The following RAE1 variants were observed in gnomAD, a reference collection of about 807,000 sequenced individuals.
RAE1 encodes ribonucleic acid export 1.
Under a neutral mutation model 52.7 loss-of-function variants are expected in RAE1, and 13 were observed. That is an observed-to-expected ratio of 0.25 (90% CI 0.16 to 0.39). The LOEUF (loss-of-function observed/expected upper bound fraction) is 0.39. Ranked by LOEUF, RAE1 falls within the 10% of genes least tolerant of loss-of-function variation. The pLI, the probability that RAE1 is intolerant of heterozygous loss-of-function variation, is 1.00. For synonymous variants in RAE1, 164 were observed against 153.1 expected (o/e 1.07, Z -0.52); for missense variants, 262 against 459.8 (o/e 0.57, Z 3.93).
Position 57,374,512 on chromosome 20 carries a change from G to A in RAE1, c.826-95G>A, listed in dbSNP as rs77937325. 5.7e-3 allele frequency: 6,537 copies of A among 1,140,736 alleles called. 267 individuals are homozygous for A. In the African/African-American group the frequency reaches 0.086, roughly 15 times the overall value. 70.7% of individuals were successfully genotyped at this position (1,140,736 alleles called of 1,614,324 possible). ...CAGCTGGAAGGAAATGTACCTGTGC[G>A]CTTTGTTTCCTAACTCAAGCAGGAA... is the stretch of plus-strand genomic sequence containing the variant. On this transcript the variant is annotated intron_variant, in intron 10 of 11. Coordinates refer to ENST00000395841, the MANE Select transcript of RAE1 (RefSeq NM_003610.4).
chr20:57,356,080 C>CT (rs1424695528), intron 3 of RAE1, among the ~76,000 whole-genome samples: 1 of 152,032 alleles, frequency 6.6e-6, no homozygotes, highest in East Asian at 1.9e-4. Flanking sequence ...AAATGTATTA[C>CT]TTTTTTAACG....
chr20:57,354,866 C>A, intron 3 of RAE1, 50 bp downstream of exon 3: 1 of 1,379,286 alleles, frequency 7.3e-7, no homozygotes, highest in Non-Finnish European at 9.9e-7. Context: ...CTTTGTATGG[C>A]CAAGGTTAGC....
In RAE1 at chr20:57,373,457, T is replaced by C. The variant is rs112978689; in HGVS notation, c.643-18T>C. The C allele has an allele frequency of 2.5e-5, 40 of 1,601,510 alleles. 1 individual carries two copies. In the African/African-American group the frequency reaches 2.8e-4, roughly 11 times the overall value. ...TATATTATGCTGTGATTATGTCTCT[T>C]TTTTATTTTAACTGTAGCATCGGTG... On this transcript the variant is annotated intron_variant, in intron 8 of 11. Coordinates refer to ENST00000395841, the MANE Select transcript of RAE1 (RefSeq NM_003610.4).
intron 11 of RAE1, among the ~76,000 whole-genome samples, chr20:57,375,344 T>C (rs1185832664): frequency 2.0e-5 from 3 of 152,080 alleles, no homozygotes; most frequent in Non-Finnish European, 4.4e-5. Context: ...ATCATTGTAT[T>C]TGTGGTTTTC....
intron 1 of RAE1, among the ~76,000 whole-genome samples, chr20:57,352,558 C>G (rs1346418221): frequency 6.6e-6 from 1 of 152,232 alleles, no homozygotes; most frequent in African/African-American, 2.4e-5. Flanking sequence ...GTGTGGTCCA[C>G]ACTGACTAAC....
chr20:57,372,461 A>G (rs900039472), intron 8 of RAE1: 2 of 152,276 alleles, frequency 1.3e-5, no homozygotes, highest in African/African-American at 4.8e-5. Flanking sequence ...CACCCCTGGC[A>G]TTGTGCAGTT....
At chr20:57,355,381 C>CT (rs547720946) in intron 3 of RAE1, among the ~76,000 whole-genome samples, 2,627 of 152,104 alleles carry the variant, frequency 0.017, 43 homozygotes, top group Non-Finnish European at 0.026. Context: ...AAATTTAAGA[C>CT]TTTTTTTTAT....
Position 57,351,340 on chromosome 20 carries a change from G to C in RAE1, c.-90G>C, listed in dbSNP as rs2066705632. 1 of 985,306 alleles carries C rather than the reference G, an allele frequency of 1.0e-6. No individual in the cohort carries two copies. 61.0% of individuals were successfully genotyped at this position (985,306 alleles called of 1,614,324 possible). A position where few individuals can be genotyped will look rare whatever the true frequency, so the allele number is the denominator to read the frequency against. On this transcript the variant is annotated 5_prime_UTR_variant, in exon 1 of 12. Coordinates refer to ENST00000395841, the MANE Select transcript of RAE1 (RefSeq NM_003610.4). ...ATTTCTGTCCGCGCTCCTGGCCCTC[G>C]TCCTTCGCGCCAGAGCAGGTTCGCA...
rs1007552200 is a variant in RAE1 at position 57,351,328 on chromosome 20, C to T, written c.-102C>T. 1.0e-6 allele frequency: 1 copy of T among 985,372 alleles called. No individual in the cohort carries two copies. The highest frequency in any genetic ancestry group is 1.7e-5 in the African/African-American group (1 of 57,248). The allele number at this position is 985,372 out of a possible 1,614,324, so 61.0% of individuals were successfully genotyped here. On this transcript the variant is annotated 5_prime_UTR_variant, in exon 1 of 12. Transcript: ENST00000395841. Reference sequence around the variant, plus strand: ...CGGGCTCCTGGGATTTCTGTCCGCGCTCCTGGCCCTCGTCCTTCGCGCCAG... The same window carrying T: ...CGGGCTCCTGGGATTTCTGTCCGCGTTCCTGGCCCTCGTCCTTCGCGCCAG...
At chr20:57,354,546 C>T (rs981869582) in intron 2 of RAE1, among the ~76,000 whole-genome samples, 166 bp from the exon 3 acceptor site, 1 of 152,190 alleles carries the variant, frequency 6.6e-6, no homozygotes, top group Non-Finnish European at 1.5e-5. Context: ...GGTACTTTCT[C>T]TAGCTTATTT....
intron 2 of RAE1, 43 bp downstream of exon 2, chr20:57,354,171 C>A: frequency 1.3e-6 from 2 of 1,547,832 alleles, no homozygotes; most frequent in Non-Finnish European, 1.8e-6. Context: ...AGAGTTTGGG[C>A]AGAGTTTCTC....
chr20:57,370,453 GCCT>G (rs1159142223), intron 8 of RAE1, among the ~76,000 whole-genome samples: 10 of 152,134 alleles, frequency 6.6e-5, no homozygotes, highest in Non-Finnish European at 1.5e-5. Context: ...CTAAGCCGCT[GCCT>G]CCTCCACCCA....
chr20:57,369,425 C>T (rs1600723052), intron 8 of RAE1, among the ~76,000 whole-genome samples: 1 of 152,276 alleles, frequency 6.6e-6, no homozygotes, highest in East Asian at 1.9e-4. Context: ...GTTAATCTTC[C>T]CTAATCAGGA....
Position 57,367,068 on chromosome 20 carries a change from T to A in RAE1, c.523T>A (p.Cys175Ser). 6.3e-7 allele frequency: 1 copy of A among 1,590,890 alleles called. No homozygotes were observed. Among genetic ancestry groups the A allele is most frequent in the Non-Finnish European group, 8.6e-7 (1 of 1,160,704 alleles). ...MVLQLPERCY[C>S]ADVIYPMAVV... The stretch of plus-strand genomic sequence containing the variant: ...TTTGCAACTCCCTGAAAGGTGTTAC[T>A]GTGCTGACGTGGTAAGGGATTTCAA... Residue 175 changes from cysteine to serine, a missense_variant, in exon 7 of 12, where the codon TGT (cysteine) becomes AGT (serine). By Grantham distance (112) the Cys-to-Ser change is moderately radical (BLOSUM62 -1). Transcript: ENST00000395841.
chr20:57,359,053 T>TGC, intron 4 of RAE1: 1 of 1,496,038 alleles, frequency 6.7e-7, no homozygotes, highest in South Asian at 1.3e-5. Context: ...TTCAAGTCCC[T>TGC]ATTTAGAGAA....
Position 57,367,020 on chromosome 20 carries a change from C to T in RAE1, c.475C>T (p.Arg159Ter). The change falls in exon 7 of 12, where the codon CGA becomes TGA. Residue 159 changes from arginine to a stop codon, truncating the protein, a stop_gained. Transcript: ENST00000395841. LOFTEE classifies it high-confidence loss of function. Reference sequence around the variant, plus strand: ...TTTTTGCTTTTAGTTTTGGGATACTCGATCGTCAAATCCTATGATGGTTTT... The same window carrying T: ...TTTTTGCTTTTAGTTTTGGGATACTTGATCGTCAAATCCTATGATGGTTTT... ...WDKTLKFWDT[R>*]SSNPMMVLQL... The T allele has an allele frequency of 6.2e-7, 1 of 1,609,964 alleles. No homozygotes were observed. Among genetic ancestry groups the T allele is most frequent in the Non-Finnish European group, 8.5e-7 (1 of 1,176,330 alleles).
intron 4 of RAE1, chr20:57,357,430 GT>G (rs1331438629): frequency 6.6e-6 from 1 of 152,168 alleles, no homozygotes. Context: ...TATTTCCTAT[GT>G]TTGGGGTGGG....
At chr20:57,355,188 A>T (rs1197811226) in intron 3 of RAE1, among the ~76,000 whole-genome samples, 2 of 152,200 alleles carry the variant, frequency 1.3e-5, no homozygotes, top group Non-Finnish European at 2.9e-5. Context: ...TTTCAACGTT[A>T]AATAATAGCA....
intron 4 of RAE1, chr20:57,359,346 G>A (rs1377820352): frequency 9.1e-6 from 2 of 218,868 alleles, no homozygotes; most frequent in African/African-American, 4.6e-5. Flanking sequence ...TTATGCAATG[G>A]AGAATGTCTT....
Sources: allele counts gnomAD v4.1 joint callset (sites outside exome capture counted in the v4.1 genomes callset), GRCh38; gene constraint gnomAD v4.1.1; transcripts MANE v1.5; gene names NCBI Gene and HGNC (gene_info 2026-07-23, HGNC 2026-07-21).